Variants in FER observed in about 807,000 individuals in gnomAD.
FER encodes tyrosine-protein kinase Fer.
FER carries 63 observed loss-of-function variants against 111.0 expected under a neutral mutation model. The ratio of observed to expected loss-of-function variants is 0.57; its 90% CI spans 0.46 to 0.70. The LOEUF (loss-of-function observed/expected upper bound fraction) is 0.70, where lower values mean the gene tolerates loss of function less well. Ranked by LOEUF, FER falls within the 30% of genes least tolerant of loss-of-function variation. The pLI is 0.00. For synonymous variants in FER, 327 were observed against 313.9 expected, an observed-to-expected ratio of 1.04 and a Z score of -0.44; for missense variants, 914 against 954.0, an observed-to-expected ratio of 0.96 and a Z score of 0.55.
At chr5:109,182,750 G>A (rs1018527717) in intron 18 of FER, among the ~76,000 whole-genome samples, 1 of 152,186 alleles carries the variant, frequency 6.6e-6, no homozygotes, top group Non-Finnish European at 1.5e-5. Context: ...GCTGACTAAA[G>A]TGTTGTATTT....
At chr5:109,123,248 C>T (rs1225450096) in intron 17 of FER, among the ~76,000 whole-genome samples, 15 of 150,840 alleles carry the variant, frequency 9.9e-5, no homozygotes, top group Admixed American at 6.6e-4. Flanking sequence ...CTCCGCCTCC[C>T]GGGTTCACGC....
intron 8 of FER, among the ~76,000 whole-genome samples, chr5:108,881,872 T>G (rs984988054): frequency 2.6e-5 from 4 of 152,090 alleles, no homozygotes; most frequent in Non-Finnish European, 5.9e-5. Flanking sequence ...ACCATTATAT[T>G]GGGGGTTAGG....
At chr5:108,867,639 A>G (rs1258321434) in intron 5 of FER, 128 bp from the exon 6 acceptor site, 12 of 871,052 alleles carry the variant, frequency 1.4e-5, no homozygotes, top group Non-Finnish European at 2.1e-5. Context: ...TATGTGTTCA[A>G]TAAAATTTTT....
In FER at chr5:108,867,860, C is replaced by G; in HGVS notation, c.575C>G (p.Ala192Gly). ...HNQYVLALKGAQLHQNQYYDI... is the reference protein window; with the variant it reads ...HNQYVLALKGGQLHQNQYYDI... ...CAGTATGTATTGGCGTTGAAAGGGG[C>G]ACAGCTCCATCAGAATCAGTATTAT... is the stretch of plus-strand genomic sequence containing the variant. The change falls in exon 6 of 20, where the codon GCA becomes GGA. Residue 192 changes from alanine (A) to glycine (G), a missense_variant. This residue lies in a region of FER where 774 missense variants were observed against 782.6 expected (regional missense o/e 0.99). Transcript: ENST00000281092. The G allele has an allele frequency of 6.2e-7, 1 of 1,612,910 alleles. No homozygotes were observed.
chr5:109,127,700 G>C (rs112422453), intron 17 of FER, among the ~76,000 whole-genome samples: 2,675 of 151,978 alleles, frequency 0.018, 97 homozygotes, highest in African/African-American at 0.062. Flanking sequence ...CACCGTGCTT[G>C]GCCTCCATTT....
chr5:109,149,351 C>T (rs1038885636), intron 17 of FER, among the ~76,000 whole-genome samples: 1 of 152,158 alleles, frequency 6.6e-6, no homozygotes, highest in Non-Finnish European at 1.5e-5. Context: ...GAGCATGAGA[C>T]ACCCTAAACT....
chr5:109,149,759 A>G (rs1291230889), intron 17 of FER, among the ~76,000 whole-genome samples: 1 of 152,208 alleles, frequency 6.6e-6, no homozygotes, highest in Non-Finnish European at 1.5e-5. Context: ...GGCTGGGAAT[A>G]AAATTTCCAG....
chr5:108,958,441 A>G (rs1561678291), intron 12 of FER, among the ~76,000 whole-genome samples: 1 of 151,712 alleles, frequency 6.6e-6, no homozygotes, highest in Non-Finnish European at 1.5e-5. Flanking sequence ...CCAATAGGGT[A>G]TTTTTGATTT....
chr5:109,000,785 G>C (rs1018007794), intron 13 of FER, among the ~76,000 whole-genome samples: 2 of 151,100 alleles, frequency 1.3e-5, no homozygotes, highest in East Asian at 3.9e-4. Flanking sequence ...AAAGAGAGAG[G>C]AATCAAATAG....
At chr5:108,836,444 A>T (rs967930389) in intron 5 of FER, among the ~76,000 whole-genome samples, 3 of 152,140 alleles carry the variant, frequency 2.0e-5, no homozygotes, top group African/African-American at 4.8e-5. Context: ...CTGTTGCTAT[A>T]ATTGGGCAAT....
chr5:108,983,544 A>C (rs1762235465), intron 13 of FER, among the ~76,000 whole-genome samples: 1 of 152,100 alleles, frequency 6.6e-6, no homozygotes, highest in Non-Finnish European at 1.5e-5. Flanking sequence ...GATGACAGTG[A>C]AGTTTTTGAC....
chr5:108,878,712 G>C (rs6873130), intron 8 of FER, among the ~76,000 whole-genome samples: 44,855 of 151,976 alleles, frequency 0.3, 6,931 homozygotes, highest in African/African-American at 0.35. Context: ...AAATTAAGTA[G>C]AGAGTCTTGG....
intron 13 of FER, among the ~76,000 whole-genome samples, chr5:109,022,230 TATTGTCTCAAGGGAAGTCC>T (rs1581688135): frequency 6.6e-6 from 1 of 151,430 alleles, no homozygotes; most frequent in South Asian, 2.1e-4. Flanking sequence ...GACTGAAGTC[TATTGTCTCAAGGGAAGTCC>T]ATTGTCTCAA....
chr5:109,170,515 C>G (rs1332708030), intron 17 of FER, among the ~76,000 whole-genome samples: 1 of 152,158 alleles, frequency 6.6e-6, no homozygotes, highest in Non-Finnish European at 1.5e-5. Context: ...TATTTAATCT[C>G]TGAGCCTGTT....
intron 10 of FER, among the ~76,000 whole-genome samples, chr5:108,934,546 T>A (rs1320359625): frequency 6.6e-6 from 1 of 152,184 alleles, no homozygotes; most frequent in African/African-American, 2.4e-5. Flanking sequence ...AAATTCTTTC[T>A]TTGCTGATAT....
intron 10 of FER, among the ~76,000 whole-genome samples, chr5:108,934,977 G>T (rs1755251206): frequency 6.6e-6 from 1 of 152,078 alleles, no homozygotes; most frequent in Admixed American, 6.6e-5. Flanking sequence ...TTATTGCATA[G>T]AATCTATGTG....
At position 109,012,014 on chromosome 5, in the gene FER, A is replaced by G. The variant is rs1347184264; in HGVS notation, c.1657-25408A>G. On this transcript the variant is annotated intron_variant, in intron 13 of 19. Coordinates refer to ENST00000281092, the MANE Select transcript of FER (RefSeq NM_005246.4). The stretch of plus-strand genomic sequence containing the variant: ...TTCCCTTTTCTCCCCAGCAGAGCCT[A>G]CTTCTCTACTGTGCAGCCATCTTTA... Among the ~76,000 whole-genome samples the G allele has an allele frequency of 3.9e-5, 6 of 152,102 alleles. No homozygotes were observed. The East Asian group carries it at 5.8e-4, about 15-fold the overall frequency.
At chr5:109,049,641 A>C (rs1160008503) in intron 16 of FER, among the ~76,000 whole-genome samples, 4 of 152,176 alleles carry the variant, frequency 2.6e-5, no homozygotes, top group Non-Finnish European at 5.9e-5. Flanking sequence ...CTGATGGACA[A>C]GGTCTACATT....
intron 17 of FER, among the ~76,000 whole-genome samples, chr5:109,176,825 T>C (rs1440421079): frequency 6.6e-6 from 1 of 152,052 alleles, no homozygotes; most frequent in Non-Finnish European, 1.5e-5. Context: ...AAAAAGTAAA[T>C]AAATCTGCCA....
Sources: gnomAD v4.1 joint callset for allele counts (sites outside exome capture counted in the v4.1 genomes callset) on GRCh38, gnomAD v4.1.1 for gene constraint, gnomAD v4.1.1 regional missense constraint, MANE v1.5 for transcripts, NCBI Gene and HGNC (gene_info 2026-07-23, HGNC 2026-07-21) for gene names.